RP1: variants seen among roughly 807,000 people sequenced by gnomAD.
The protein encoded by RP1 is RP1 axonemal microtubule associated, also known as oxygen-regulated protein 1.
RP1 carries 16 observed loss-of-function variants against 14.8 expected under a neutral mutation model. That is an observed-to-expected ratio of 1.08 (90% CI 0.73 to 1.65). The LOEUF (loss-of-function observed/expected upper bound fraction) is 1.65, where lower values mean the gene tolerates loss of function less well. Ranked by LOEUF, RP1 falls within the 40% of genes most tolerant of loss-of-function variation. The pLI, the probability that RP1 is intolerant of heterozygous loss-of-function variation, is 0.00. For missense variants in RP1, 2,631 were observed against 2,535.0 expected, an observed-to-expected ratio of 1.04 and a Z score of -0.81; for synonymous variants, 876 against 883.6, an observed-to-expected ratio of 0.99 and a Z score of 0.15.
chr8:54,703,871 AC>A (rs1473463556), intron 14 of RP1, among the ~76,000 whole-genome samples: 1 of 152,108 alleles, frequency 6.6e-6, no homozygotes, highest in Non-Finnish European at 1.5e-5. Context: ...AACTTCATCA[AC>A]CAACCTCTGC....
At chr8:54,825,239 G>A (rs1488542594) in intron 24 of RP1, among the ~76,000 whole-genome samples, 3 of 152,124 alleles carry the variant, frequency 2.0e-5, no homozygotes, top group Admixed American at 6.5e-5. Context: ...GATTACAGGC[G>A]TGAGTCACCG....
intron 22 of RP1, among the ~76,000 whole-genome samples, chr8:54,762,194 A>C (rs1809655161): frequency 6.6e-6 from 1 of 152,176 alleles, no homozygotes; most frequent in Admixed American, 6.5e-5. Flanking sequence ...GGGAAAAGGA[A>C]AGAAAATCTC....
rs559192714 is a variant in RP1 at position 54,565,437 on chromosome 8, C to T, written c.-13+6117C>T. ...AAAATTAGCCTGGTGTGGTGTCATG[C>T]GCCTGTAATCCCATGTACTCAGGAG... is the stretch of plus-strand genomic sequence containing the variant. On this transcript the variant is annotated intron_variant, in intron 1 of 22. Coordinates refer to the RP1 transcript ENST00000636932. Among the ~76,000 whole-genome samples, 10 of 152,098 alleles carry T rather than the reference C, an allele frequency of 6.6e-5. No individual in the cohort carries two copies. In the South Asian group the frequency reaches 8.3e-4, roughly 13 times the overall value.
At chr8:54,617,358 C>T (rs531186946) in intron 1 of RP1, among the ~76,000 whole-genome samples, 1 of 152,286 alleles carries the variant, frequency 6.6e-6, no homozygotes, top group African/African-American at 2.4e-5. Flanking sequence ...ACCTTATTAT[C>T]GAAAATGTAT....
chr8:54,586,492 T>C (rs1272060540), intron 1 of RP1, among the ~76,000 whole-genome samples: 1 of 152,218 alleles, frequency 6.6e-6, no homozygotes, highest in Non-Finnish European at 1.5e-5. Flanking sequence ...TCTCCAGTTG[T>C]GTGCTGGGAG....
chr8:54,749,886 G>A (rs982263155), intron 19 of RP1, among the ~76,000 whole-genome samples: 1 of 151,600 alleles, frequency 6.6e-6, no homozygotes, highest in African/African-American at 2.4e-5. Flanking sequence ...GAAGTTAGAG[G>A]TTTTGCCTTT....
chr8:54,637,487 G>A (rs1482351639), intron 3 of RP1, among the ~76,000 whole-genome samples: 2 of 152,174 alleles, frequency 1.3e-5, no homozygotes, highest in Non-Finnish European at 2.9e-5. Context: ...TTAATCAGAA[G>A]TGCATAGCTC....
chr8:54,595,888 G>A (rs1805134406), intron 1 of RP1, among the ~76,000 whole-genome samples: 1 of 152,110 alleles, frequency 6.6e-6, no homozygotes, highest in African/African-American at 2.4e-5. Context: ...CAGAAGAGGT[G>A]ATTTATTCCT....
intron 6 of RP1, among the ~76,000 whole-genome samples, chr8:54,661,597 G>A (rs531577256): frequency 1.6e-3 from 248 of 152,222 alleles, no homozygotes; most frequent in African/African-American, 5.7e-3. Flanking sequence ...GAGCTGAGGA[G>A]GGAATGGAAT....
intron 18 of RP1, chr8:54,734,815 T>C (rs1808880746): frequency 5.8e-6 from 7 of 1,209,518 alleles, no homozygotes; most frequent in Non-Finnish European, 7.7e-6. Flanking sequence ...GAAGTGTGTG[T>C]GTGTGTGTGT....
chr8:54,828,336 G>C (rs1189148128), intron 24 of RP1, among the ~76,000 whole-genome samples: 1 of 152,200 alleles, frequency 6.6e-6, no homozygotes, highest in Non-Finnish European at 1.5e-5. Flanking sequence ...AGGTCTTTGG[G>C]TCATCAAAGT....
At chr8:54,693,454 G>T (rs1046873578) in intron 12 of RP1, among the ~76,000 whole-genome samples, 5 of 152,106 alleles carry the variant, frequency 3.3e-5, no homozygotes, top group Admixed American at 1.3e-4. Flanking sequence ...CCATGAGTAT[G>T]GAATGTTCTT....
intron 27 of RP1, among the ~76,000 whole-genome samples, chr8:54,860,178 T>C (rs188666444): frequency 1.3e-5 from 2 of 152,272 alleles, no homozygotes; most frequent in Admixed American, 1.3e-4. Flanking sequence ...GAAAGGGACA[T>C]TGTGATTTTA....
intron 25 of RP1, among the ~76,000 whole-genome samples, chr8:54,844,170 G>T (rs1362592374): frequency 6.6e-6 from 1 of 152,140 alleles, no homozygotes; most frequent in Non-Finnish European, 1.5e-5. Context: ...CATGGCCCCA[G>T]GATGATTTAC....
At chr8:54,772,064 C>A (rs970345232), downstream of RP1, among the ~76,000 whole-genome samples, 3 of 152,110 alleles carry the variant, frequency 2.0e-5, no homozygotes, top group Non-Finnish European at 1.5e-5. Context: ...TACAATTATG[C>A]ACCATTACTA....
chr8:54,583,584 C>G (rs1395580117), intron 1 of RP1, among the ~76,000 whole-genome samples: 3 of 152,170 alleles, frequency 2.0e-5, no homozygotes, highest in Non-Finnish European at 2.9e-5. Flanking sequence ...GGTACCAGTT[C>G]CTCCTTGTAC....
upstream of RP1, among the ~76,000 whole-genome samples, chr8:54,611,488 G>A (rs898352068): frequency 1.3e-5 from 2 of 152,052 alleles, no homozygotes; most frequent in Non-Finnish European, 2.9e-5. Flanking sequence ...AACTGCTCTT[G>A]TGAATTTTTC....
rs200613951 is a variant in RP1, at chr8:54,625,160, G to A, written c.1278G>A (p.Glu426=). ...AAACTTGCAGTTCTGCTAGTTGGGAGAATGCTACTGTGGACACAGATATCA... is the reference window on the plus strand; with the variant it reads ...AAACTTGCAGTTCTGCTAGTTGGGAAAATGCTACTGTGGACACAGATATCA... ...VAETCSSASW[E]NATVDTDIIQ... The change falls in exon 4 of 4, where the codon GAG becomes GAA. Residue 426 remains glutamate (E), a synonymous_variant. Coordinates refer to ENST00000220676, the MANE Select transcript of RP1 (RefSeq NM_006269.2). 1 of 1,614,174 alleles carries A rather than the reference G, an allele frequency of 6.2e-7. No individual in the cohort carries two copies. Among genetic ancestry groups the A allele is most frequent in the Admixed American group, 1.7e-5 (1 of 60,030 alleles).
intron 1 of RP1, among the ~76,000 whole-genome samples, chr8:54,572,289 T>C (rs530616818): frequency 6.6e-6 from 1 of 152,358 alleles, no homozygotes; most frequent in South Asian, 2.1e-4. Flanking sequence ...CCCACTTGAC[T>C]GAACATCCCA....
Sources: gnomAD v4.1 joint callset for allele counts (sites outside exome capture counted in the v4.1 genomes callset) on GRCh38, gnomAD v4.1.1 for gene constraint, MANE v1.5 for transcripts, NCBI Gene and HGNC (gene_info 2026-07-23, HGNC 2026-07-21) for gene names.